Variants in SPTA1 observed in about 807,000 individuals in gnomAD.
SPTA1 encodes spectrin alpha, erythrocytic 1.
A neutral mutation model predicts 324.7 loss-of-function variants in SPTA1; 177 were observed. The ratio of observed to expected loss-of-function variants is 0.55; its 90% confidence interval spans 0.48 to 0.62. The LOEUF is 0.62. SPTA1 is among the 20% of genes least tolerant of loss of function. SPTA1 has a pLI of 0.00. For synonymous variants in SPTA1, 1,195 were observed against 1,041.3 expected (o/e 1.15, Z -2.84); for missense variants, 3,162 against 2,883.6 (o/e 1.10, Z -2.21).
intron 49 of SPTA1, 86 bp from the exon 50 acceptor site, chr1:158,613,953 AG>A: frequency 6.9e-7 from 1 of 1,448,278 alleles, no homozygotes; most frequent in Non-Finnish European, 9.5e-7. Context: ...TTATTGCGTC[AG>A]CTGAAGCTTT....
intron 29 of SPTA1, among the ~76,000 whole-genome samples, chr1:158,644,780 A>G (rs1158217817): frequency 6.6e-6 from 1 of 152,170 alleles, no homozygotes; most frequent in East Asian, 1.9e-4. Context: ...ATTTTGGTTT[A>G]TTAATAATCA....
intron 15 of SPTA1, 105 bp downstream of exon 15, chr1:158,667,753 A>G (rs1175555350): frequency 1.6e-6 from 2 of 1,230,532 alleles, no homozygotes; most frequent in East Asian, 5.0e-5. Flanking sequence ...AATGAGTAGT[A>G]TACCTTCTCA....
At position 158,657,617 on chromosome 1, in the gene SPTA1, C is replaced by A. The variant is rs200293444; in HGVS notation, c.2665G>T (p.Ala889Ser). Residue 889 changes from alanine to serine, a missense_variant, in exon 19 of 52, where the codon GCT becomes TCT. Coordinates refer to ENST00000643759, the MANE Select transcript of SPTA1 (RefSeq NM_003126.4). ...QNMESLRARAARRQNDLEANV... is the reference protein window; with the variant it reads ...QNMESLRARASRRQNDLEANV... ...GCTTCAAGATCATTTTGTCGCCTAG[C>A]AGCTCGAGCACGGAGAGACTCCATA... The A allele has an allele frequency of 1.2e-5, 19 of 1,614,108 alleles. No individual in the cohort carries two copies. In the African/African-American group the frequency reaches 2.4e-4, roughly 20 times the overall value.
rs554256810 is a variant in SPTA1, at chr1:158,620,153, G to T, written c.6417+17C>A. 18 of 1,614,024 alleles carry T rather than the reference G, an allele frequency of 1.1e-5. No homozygotes were observed. The African/African-American group carries it at 1.5e-4, about 13-fold the overall frequency. ...TTCACTGTAGTGAAAGGAAGTTTCT[G>T]CCGTGTTCCAGGTTACCTCAATGAT... On this transcript the variant is annotated intron_variant, in intron 44 of 51. Transcript: ENST00000643759.
chr1:158,638,383 T>A (rs937557407), intron 35 of SPTA1, 142 bp from the exon 36 acceptor site: 120 of 836,146 alleles, frequency 1.4e-4, no homozygotes, highest in Middle Eastern at 6.7e-4. Flanking sequence ...GTGTTATACA[T>A]GTTAGCATAT....
At chr1:158,620,130 C>T (rs1276996062) in intron 44 of SPTA1, 40 bp downstream of exon 44, 1 of 1,612,270 alleles carries the variant, frequency 6.2e-7, no homozygotes, top group Non-Finnish European at 8.5e-7. Context: ...TGGTTATGTT[C>T]ACTGTAGTGA....
rs773686982 is a variant in SPTA1, at chr1:158,648,506, C to T, written c.3714+3G>A. 188 of 1,613,768 alleles carry T rather than the reference C, an allele frequency of 1.2e-4. No individual in the cohort carries two copies. The highest frequency in any genetic ancestry group is 1.4e-4 in the Non-Finnish European group (163 of 1,179,858). Reference sequence around the variant, plus strand: ...TGGAAAAGCTTTGAAGGACTTGTCTCACCTTATCTCCCAGGGGTACGAGGT... The same window carrying T: ...TGGAAAAGCTTTGAAGGACTTGTCTTACCTTATCTCCCAGGGGTACGAGGT... On this transcript the variant is annotated splice_donor_region_variant and intron_variant, in intron 26 of 51. Transcript: ENST00000643759.
Position 158,657,531 on chromosome 1 carries a change from C to T in SPTA1, c.2751G>A (p.Glu917=), listed in dbSNP as rs749846296. The T allele has an allele frequency of 6.4e-6, 10 of 1,556,832 alleles. No individual in the cohort carries two copies. Among genetic ancestry groups the T allele is most frequent in the Non-Finnish European group, 8.7e-6 (10 of 1,143,112 alleles). ...DLHEAETWIR[E]KEPIVDNTNY... ...TAGTATTATCTACAATAGGTTCCTT[C>T]TCTCTGATCCATGTTTCTGCTTCAT... Residue 917 remains glutamate, a synonymous_variant, in exon 19 of 52, where the codon GAG becomes GAA. Transcript: ENST00000643759.
At chr1:158,644,774 T>C (rs758344883) in intron 29 of SPTA1, among the ~76,000 whole-genome samples, 2 of 152,220 alleles carry the variant, frequency 1.3e-5, no homozygotes, top group African/African-American at 2.4e-5. Context: ...TCGTACATTT[T>C]GGTTTATTAA....
intron 23 of SPTA1, among the ~76,000 whole-genome samples, chr1:158,651,807 C>A (rs1213003625): frequency 6.6e-6 from 1 of 151,764 alleles, no homozygotes; most frequent in Non-Finnish European, 1.5e-5. Context: ...CAAACTCCAG[C>A]TTTAAAGATT....
chr1:158,634,559 G>A lies in SPTA1; in HGVS notation c.5549C>T (p.Thr1850Ile), dbSNP rs574255496. ...GTTCCTCACCTGAGTAGCAGCTAAT[G>A]TATCTCCACAATCTCCTCGGACAGC... ...ALAVRGDCGDTLAATQSLLMK... is the reference protein window; with the variant it reads ...ALAVRGDCGDILAATQSLLMK... The change falls in exon 39 of 52, where the codon ACA (threonine) becomes ATA (isoleucine). Residue 1850 changes from threonine to isoleucine, a missense_variant. Physicochemically the swap from Thr to Ile is moderately conservative, Grantham distance 89. Transcript: ENST00000643759. 1 of 1,614,064 alleles carries A rather than the reference G, an allele frequency of 6.2e-7. No homozygotes were observed. The highest frequency in any genetic ancestry group is 1.3e-5 in the African/African-American group (1 of 75,050).
chr1:158,642,040 T>C (rs1252871108), intron 33 of SPTA1, among the ~76,000 whole-genome samples: 1 of 152,072 alleles, frequency 6.6e-6, no homozygotes, highest in Non-Finnish European at 1.5e-5. Context: ...ACCATCATTC[T>C]CAGCAAAGTA....
intron 25 of SPTA1, 109 bp from the exon 26 acceptor site, chr1:158,648,762 A>AT: frequency 1.0e-6 from 1 of 997,238 alleles, no homozygotes; most frequent in East Asian, 2.9e-5. Context: ...CCTCCCACCC[A>AT]CCCCCCCACC....
chr1:158,652,045 G>A (rs1205635925), intron 23 of SPTA1, among the ~76,000 whole-genome samples: 2 of 152,132 alleles, frequency 1.3e-5, no homozygotes, highest in East Asian at 3.9e-4. Context: ...ATATTGAAAG[G>A]GTTTTAGGTA....
In SPTA1 at chr1:158,672,719, C is replaced by T. The variant is rs551359737; in HGVS notation, c.1351-523G>A. ...AAGAGAGAAGAGACATTCTCAAACA[C>T]ATGAAAAAGCCTTTGTTTCTGGTCA... On this transcript the variant is annotated intron_variant, in intron 10 of 51. Coordinates refer to ENST00000643759, the MANE Select transcript of SPTA1 (RefSeq NM_003126.4). 5.9e-5 allele frequency among the ~76,000 whole-genome samples: 9 copies of T among 152,190 alleles called. No homozygotes were observed. In the South Asian group the frequency reaches 1.9e-3, roughly 32 times the overall value.
intron 42 of SPTA1, among the ~76,000 whole-genome samples, chr1:158,625,405 G>A (rs1213566189): frequency 6.6e-6 from 1 of 151,960 alleles, no homozygotes; most frequent in African/African-American, 2.4e-5. Flanking sequence ...TAAACAACAT[G>A]ATTAAAAATG....
chr1:158,684,740 A>G (rs1286182122), intron 2 of SPTA1, among the ~76,000 whole-genome samples: 1 of 152,156 alleles, frequency 6.6e-6, no homozygotes, highest in Non-Finnish European at 1.5e-5. Flanking sequence ...CTTCACCATG[A>G]AAATATGTAA....
intron 42 of SPTA1, among the ~76,000 whole-genome samples, chr1:158,624,233 G>C (rs1015521900): frequency 4.6e-5 from 7 of 152,146 alleles, no homozygotes; most frequent in African/African-American, 1.7e-4. Context: ...CCTCACTGGG[G>C]TACTGCCTAG....
intron 1 of SPTA1, 76 bp from the exon 2 acceptor site, chr1:158,685,423 T>A (rs1571542152): frequency 6.3e-7 from 1 of 1,584,652 alleles, no homozygotes; most frequent in East Asian, 2.2e-5. Flanking sequence ...TGTGTCAAGG[T>A]GTTTACTCAT....
Sources: gnomAD v4.1 joint callset for allele counts (sites outside exome capture counted in the v4.1 genomes callset) on GRCh38, gnomAD v4.1.1 for gene constraint, MANE v1.5 for transcripts, NCBI Gene and HGNC (gene_info 2026-07-23, HGNC 2026-07-21) for gene names.